CRACDL: variants seen among roughly 807,000 people sequenced by gnomAD.
CRACDL encodes CRACD like, also known as CRACD-like protein.
Under a neutral mutation model 70.6 loss-of-function variants are expected in CRACDL, and 26 were observed. The ratio of observed to expected loss-of-function variants is 0.37; its 90% CI spans 0.27 to 0.51. The LOEUF is 0.51. Ranked by LOEUF, CRACDL falls within the 20% of genes least tolerant of loss-of-function variation. The pLI is 0.94. For synonymous variants in CRACDL, 618 were observed against 615.2 expected (o/e 1.00, Z -0.07); for missense variants, 1,283 against 1,376.9 (o/e 0.93, Z 1.08).
chr2:98,877,113 C>G (rs1372692808), intron 1 of CRACDL, among the ~76,000 whole-genome samples: 1 of 152,256 alleles, frequency 6.6e-6, no homozygotes, highest in Non-Finnish European at 1.5e-5. Flanking sequence ...GCAGCTGTTG[C>G]CAGTGGCTCA....
At chr2:98,805,960 G>A (rs1704273674) in intron 7 of CRACDL, among the ~76,000 whole-genome samples, 1 of 152,266 alleles carries the variant, frequency 6.6e-6, no homozygotes, top group Admixed American at 6.5e-5. Flanking sequence ...AACAGCCCTG[G>A]TAGCACGCTT....
intron 1 of CRACDL, among the ~76,000 whole-genome samples, chr2:98,916,502 G>C (rs1056691577): frequency 8.7e-6 from 1 of 115,024 alleles, no homozygotes; most frequent in Non-Finnish European, 1.7e-5. Flanking sequence ...CCTCAATAAA[G>C]CTGTTTTTTT....
At chr2:98,921,344 G>A (rs1262901816) in intron 1 of CRACDL, among the ~76,000 whole-genome samples, 1 of 152,226 alleles carries the variant, frequency 6.6e-6, no homozygotes, top group East Asian at 1.9e-4. Flanking sequence ...CCAGGTGAGC[G>A]CACCTCCATC....
chr2:98,804,768 C>T (rs900607683), intron 7 of CRACDL, among the ~76,000 whole-genome samples: 3 of 152,198 alleles, frequency 2.0e-5, no homozygotes, highest in Non-Finnish European at 4.4e-5. Flanking sequence ...ACAATATATA[C>T]TAAATAAAGC....
chr2:98,862,236 C>T (rs1340952048), intron 1 of CRACDL, among the ~76,000 whole-genome samples: 1 of 152,144 alleles, frequency 6.6e-6, no homozygotes, highest in Non-Finnish European at 1.5e-5. Flanking sequence ...GGCTGATCAT[C>T]AGCACTAAGA....
chr2:98,919,295 G>T (rs2104689943), intron 1 of CRACDL, among the ~76,000 whole-genome samples: 1 of 152,282 alleles, frequency 6.6e-6, no homozygotes, highest in South Asian at 2.1e-4. Context: ...GCTTAAGACT[G>T]CCTTGGCTCT....
At chr2:98,873,109 G>A (rs34280849) in intron 1 of CRACDL, among the ~76,000 whole-genome samples, 6 of 152,190 alleles carry the variant, frequency 3.9e-5, no homozygotes, top group African/African-American at 7.2e-5. Context: ...ATACCTCAGC[G>A]GTTGTGAGAA....
chr2:98,930,596 C>T (rs949644311), intron 1 of CRACDL, among the ~76,000 whole-genome samples: 8 of 151,358 alleles, frequency 5.3e-5, no homozygotes, highest in African/African-American at 1.9e-4. Flanking sequence ...CCATCTCTGT[C>T]CCACCCCTGT....
intron 7 of CRACDL, among the ~76,000 whole-genome samples, chr2:98,816,243 C>T (rs1267522350): frequency 3.3e-5 from 5 of 152,222 alleles, no homozygotes; most frequent in Non-Finnish European, 7.3e-5. Flanking sequence ...TCCCCTGATA[C>T]TCACTTTATG....
intron 1 of CRACDL, among the ~76,000 whole-genome samples, chr2:98,877,949 C>CT (rs35403434): frequency 0.45 from 62,096 of 138,358 alleles, 14,942 homozygotes; most frequent in East Asian, 0.6. Flanking sequence ...CATTTTTAAT[C>CT]TTTTTTTTTT....
Position 98,838,297 on chromosome 2 carries a change from T to C in CRACDL, c.71-10A>G. Reference sequence around the variant, plus strand: ...TTAGATTTTTTCTTTCCTATACAGATTAGAGAAAAAAATAATAAATAAGAC... The same window carrying C: ...TTAGATTTTTTCTTTCCTATACAGACTAGAGAAAAAAATAATAAATAAGAC... On this transcript the variant is annotated splice_polypyrimidine_tract_variant and intron_variant, in intron 2 of 9. Transcript: ENST00000397899. The C allele has an allele frequency of 6.7e-7, 1 of 1,492,400 alleles. No individual in the cohort carries two copies. The highest frequency in any genetic ancestry group is 9.2e-7 in the Non-Finnish European group (1 of 1,088,596). The allele number at this position is 1,492,400 out of a possible 1,614,324, so 92.4% of individuals were successfully genotyped here.
intron 1 of CRACDL, among the ~76,000 whole-genome samples, chr2:98,866,525 A>G (rs1323602217): frequency 9.1e-6 from 1 of 109,982 alleles, no homozygotes; most frequent in East Asian, 2.9e-4. Flanking sequence ...TTCACTCTTG[A>G]TGCCCAGGCT....
chr2:98,800,274 T>C (rs1028251886), intron 7 of CRACDL, among the ~76,000 whole-genome samples: 1 of 152,146 alleles, frequency 6.6e-6, no homozygotes, highest in African/African-American at 2.4e-5. Flanking sequence ...GGGCTAACAC[T>C]GGTGAGTGGG....
chr2:98,838,276 A>G lies in CRACDL; in HGVS notation c.82T>C (p.Ser28Pro), dbSNP rs754412294. 6.3e-7 allele frequency: 1 copy of G among 1,588,784 alleles called. No homozygotes were observed. The highest frequency in any genetic ancestry group is 8.6e-7 in the Non-Finnish European group (1 of 1,162,302). ...AACTTCTTAAAAGTTTTGAATTTAG[A>G]TTTTTTCTTTCCTATACAGATTAGA... ...LGEDSTGKKK[S>P]KFKTFKKFFG... Residue 28 changes from serine to proline, a missense_variant, in exon 3 of 10, where the codon TCT (serine) becomes CCT (proline). Transcript: ENST00000397899.
chr2:98,915,123 C>T (rs905405042), intron 1 of CRACDL, among the ~76,000 whole-genome samples: 1 of 152,118 alleles, frequency 6.6e-6, no homozygotes, highest in Non-Finnish European at 1.5e-5. Context: ...GGAAGGTCGA[C>T]CAGGACAGGA....
chr2:98,887,133 C>T (rs907079143), intron 1 of CRACDL, among the ~76,000 whole-genome samples: 15 of 152,048 alleles, frequency 9.9e-5, no homozygotes, highest in Non-Finnish European at 1.8e-4. Context: ...AAGAAAGATT[C>T]AGTGAACTTG....
intron 3 of CRACDL, among the ~76,000 whole-genome samples, chr2:98,837,168 C>T (rs1050276481): frequency 6.9e-6 from 1 of 145,098 alleles, no homozygotes; most frequent in Non-Finnish European, 1.5e-5. Flanking sequence ...TCCCTGCTAG[C>T]ACCAAAAACA....
intron 9 of CRACDL, among the ~76,000 whole-genome samples, chr2:98,795,077 A>ATATATATATATATATATTTTT: frequency 1.7e-5 from 1 of 58,508 alleles, no homozygotes; most frequent in African/African-American, 6.6e-5. Flanking sequence ...ATATATATAT[A>ATATATATATATATATATTTTT]TTTTTTTTTT....
chr2:98,921,452 G>A (rs1164398406), intron 1 of CRACDL, among the ~76,000 whole-genome samples: 4 of 152,246 alleles, frequency 2.6e-5, no homozygotes, highest in Non-Finnish European at 5.9e-5. Flanking sequence ...GAAGGCTCTT[G>A]ACATGTATTA....
Sources: gnomAD v4.1 joint callset for allele counts (sites outside exome capture counted in the v4.1 genomes callset) on GRCh38, gnomAD v4.1.1 for gene constraint, MANE v1.5 for transcripts, NCBI Gene and HGNC (gene_info 2026-07-23, HGNC 2026-07-21) for gene names.